TLN2: variants seen among roughly 807,000 people sequenced by gnomAD.
TLN2 encodes the protein talin-2.
TLN2 carries 118 observed loss-of-function variants against 294.7 expected under a neutral mutation model. The observed-to-expected ratio is 0.40, with a 90% CI of 0.34 to 0.47. The LOEUF is 0.47. Among genes scored for constraint, TLN2 ranks in the 20% least tolerant of loss-of-function variants. The probability of loss-of-function intolerance (pLI) is 0.84; values close to 1 mark genes in which losing one functional copy is unlikely to be tolerated. For missense variants in TLN2, 3,083 were observed against 3,282.2 expected, an observed-to-expected ratio of 0.94 and a Z score of 1.48; for synonymous variants, 1,431 against 1,304.5, an observed-to-expected ratio of 1.10 and a Z score of -2.09.
chr15:62,837,074 G>T (rs1282318137), intron 57 of TLN2, among the ~76,000 whole-genome samples: 1 of 152,248 alleles, frequency 6.6e-6, no homozygotes, highest in Non-Finnish European at 1.5e-5. Context: ...GTGTTAAAAT[G>T]TAGATTGTCT....
intron 44 of TLN2, among the ~76,000 whole-genome samples, chr15:62,783,550 G>A (rs2064368328): frequency 6.6e-6 from 1 of 152,246 alleles, no homozygotes; most frequent in Middle Eastern, 3.2e-3. Flanking sequence ...GCGGGGCCCT[G>A]CGAGGGCTCT....
intron 1 of TLN2, among the ~76,000 whole-genome samples, chr15:62,525,753 G>A (rs375296699): frequency 2.6e-5 from 4 of 152,116 alleles, no homozygotes; most frequent in Non-Finnish European, 5.9e-5. Context: ...GTCCCTTTAG[G>A]TAGTGAAAGG....
At chr15:62,481,551 A>G (rs1002657773) in intron 1 of TLN2, among the ~76,000 whole-genome samples, 6 of 151,932 alleles carry the variant, frequency 3.9e-5, no homozygotes, top group Non-Finnish European at 8.8e-5. Context: ...TTGTAGATAC[A>G]GGGTCACACC....
chr15:62,835,748 C>A lies in TLN2; in HGVS notation c.7140C>A (p.Ile2380=). 1 of 1,614,210 alleles carries A rather than the reference C, an allele frequency of 6.2e-7. No individual in the cohort carries two copies. The highest frequency in any genetic ancestry group is 8.5e-7 in the Non-Finnish European group (1 of 1,180,036). Residue 2380 remains isoleucine (I), a synonymous_variant, in exon 56 of 59, where the codon ATC becomes ATA. Transcript: ENST00000636159. The part of the protein sequence containing the change: ...ELVAQGKVGS[I]PANAADDGQW... ...ACTCTACTCTCTAGGTGGGCTCCAT[C>A]CCTGCCAATGCTGCAGACGACGGAC...
At chr15:62,717,744 T>A in intron 24 of TLN2, 55 bp downstream of exon 24, 2 of 1,288,518 alleles carry the variant, frequency 1.6e-6, no homozygotes, top group Non-Finnish European at 2.1e-6. Flanking sequence ...CTGATAACAT[T>A]AGAACACCAA....
intron 3 of TLN2, among the ~76,000 whole-genome samples, chr15:62,639,602 G>T (rs1003353308): frequency 1.1e-4 from 17 of 152,218 alleles, no homozygotes; most frequent in Non-Finnish European, 2.1e-4. Flanking sequence ...GCAAACAGGA[G>T]CTTAACTCTC....
chr15:62,507,150 A>G (rs2039664767), intron 1 of TLN2, among the ~76,000 whole-genome samples: 1 of 152,226 alleles, frequency 6.6e-6, no homozygotes, highest in African/African-American at 2.4e-5. Context: ...AAGAAGGATG[A>G]GTTTCTAAGA....
At chr15:62,656,487 A>G (rs1192371616) in intron 8 of TLN2, among the ~76,000 whole-genome samples, 1 of 152,334 alleles carries the variant, frequency 6.6e-6, no homozygotes, top group East Asian at 1.9e-4. Flanking sequence ...TATCCTCTCA[A>G]TAACCTTTCA....
intron 1 of TLN2, among the ~76,000 whole-genome samples, chr15:62,566,807 C>A (rs1265259823): frequency 6.6e-6 from 1 of 151,886 alleles, no homozygotes; most frequent in African/African-American, 2.4e-5. Flanking sequence ...CCTGCCCCAG[C>A]CTTTCAAAGC....
intron 1 of TLN2, among the ~76,000 whole-genome samples, chr15:62,459,472 C>T (rs1366846469): frequency 6.6e-6 from 1 of 151,962 alleles, no homozygotes; most frequent in Admixed American, 6.5e-5. Context: ...CCCTGAATGT[C>T]CTAGTAAGTA....
chr15:62,659,308 C>A (rs527730964), intron 9 of TLN2, among the ~76,000 whole-genome samples: 2 of 152,322 alleles, frequency 1.3e-5, no homozygotes, highest in South Asian at 4.1e-4. Flanking sequence ...ACACCGGGTT[C>A]TCATTTTCAA....
chr15:62,785,409 A>T (rs893003880), intron 45 of TLN2, among the ~76,000 whole-genome samples: 1 of 152,144 alleles, frequency 6.6e-6, no homozygotes, highest in African/African-American at 2.4e-5. Flanking sequence ...GCTCACGCCT[A>T]TAAGCACTTT....
At chr15:62,437,003 A>G (rs2035317342) in intron 1 of TLN2, among the ~76,000 whole-genome samples, 1 of 152,258 alleles carries the variant, frequency 6.6e-6, no homozygotes, top group Non-Finnish European at 1.5e-5. Context: ...TGTTGGGATT[A>G]AAGGCGTGAG....
rs992557769 is a variant in TLN2 at position 62,676,920 on chromosome 15, G to T, written c.957+1599G>T. ...GTGAGCCACCGCACCCTATCTTCTT[G>T]TATAAGTGAGAACACAGAGCCCCAG... On this transcript the variant is annotated intron_variant, in intron 11 of 58. Transcript: ENST00000636159. Among the ~76,000 whole-genome samples, 6 of 152,294 alleles carry T rather than the reference G, an allele frequency of 3.9e-5. No individual in the cohort carries two copies. The East Asian group carries it at 9.7e-4, about 25-fold the overall frequency.
intron 3 of TLN2, among the ~76,000 whole-genome samples, chr15:62,631,650 C>CTTTTTCT (rs148281686): frequency 1.4e-5 from 2 of 139,990 alleles, no homozygotes; most frequent in Non-Finnish European, 3.0e-5. Flanking sequence ...TCTTTCTTTC[C>CTTTTTCT]TTCTTTTTCT....
At position 62,762,351 on chromosome 15, in the gene TLN2, G is replaced by A. The variant is rs2062729508; in HGVS notation, c.4859G>A (p.Arg1620His). The A allele has an allele frequency of 7.4e-6, 12 of 1,614,122 alleles. No individual in the cohort carries two copies. Among genetic ancestry groups the A allele is most frequent in the African/African-American group, 1.3e-5 (1 of 75,018 alleles). ...TCATCGTACCTCATTCGCACTGCAC[G>A]CTCTCTGGCCATCAACCCCAAAGAC... is the stretch of plus-strand genomic sequence containing the variant. ...ESSSYLIRTA[R>H]SLAINPKDPP... The change falls in exon 39 of 59, where the codon CGC becomes CAC. Residue 1620 changes from arginine to histidine, a missense_variant. By Grantham distance (29) the Arg-to-His change is conservative (BLOSUM62 0). Transcript: ENST00000636159.
At chr15:62,800,592 A>T in intron 49 of TLN2, 61 bp from the exon 50 acceptor site, 1 of 1,609,588 alleles carries the variant, frequency 6.2e-7, no homozygotes, top group Non-Finnish European at 8.5e-7. Flanking sequence ...CAGAAGTAAA[A>T]GGAGTAGGGG....
chr15:62,769,655 C>T (rs187920283), intron 41 of TLN2, among the ~76,000 whole-genome samples: 18 of 152,266 alleles, frequency 1.2e-4, no homozygotes, highest in Non-Finnish European at 2.2e-4. Context: ...TAGCCACCCC[C>T]ACCCCATCAT....
intron 55 of TLN2, chr15:62,835,446 A>G: frequency 2.0e-6 from 1 of 494,300 alleles, no homozygotes; most frequent in Non-Finnish European, 3.6e-6. Flanking sequence ...GCCCCAGGTC[A>G]TCATTCCTGA....
Sources: allele counts gnomAD v4.1 joint callset (sites outside exome capture counted in the v4.1 genomes callset), GRCh38; gene constraint gnomAD v4.1.1; transcripts MANE v1.5; gene names NCBI Gene and HGNC (gene_info 2026-07-23, HGNC 2026-07-21).